Variants in NCKAP5 observed in about 807,000 individuals in gnomAD.
The protein encoded by NCKAP5 is NCK associated protein 5, also known as nck-associated protein 5.
In NCKAP5, 92 loss-of-function variants were observed where a neutral mutation model predicts 167.0. The observed-to-expected ratio is 0.55, with a 90% CI of 0.47 to 0.66. The LOEUF (loss-of-function observed/expected upper bound fraction) is 0.66, where lower values mean the gene tolerates loss of function less well. Ranked by LOEUF, NCKAP5 falls within the 30% of genes least tolerant of loss-of-function variation. The pLI is 0.00. For missense variants in NCKAP5, 2,378 were observed against 2,315.0 expected (o/e 1.03, Z -0.56); for synonymous variants, 891 against 877.4 (o/e 1.02, Z -0.27).
chr2:132,911,225 G>A lies in NCKAP5; in HGVS notation c.580-32309C>T, dbSNP rs117054236. ...AAATTGCTGGTCATTTCAGACTCACGTCTTACAAACTGATAAAGCACTTGT... is the reference window on the plus strand; with the variant it reads ...AAATTGCTGGTCATTTCAGACTCACATCTTACAAACTGATAAAGCACTTGT... On this transcript the variant is annotated intron_variant, in intron 8 of 19. Transcript: ENST00000409261. The A allele has an allele frequency of 3.5e-5, 6 of 170,732 alleles. No individual in the cohort carries two copies. In the East Asian group the frequency reaches 4.0e-4, roughly 11 times the overall value. The allele number at this position is 170,732 out of a possible 1,614,324, so 10.6% of individuals were successfully genotyped here.
At chr2:132,765,193 A>G (rs1490924984) in intron 16 of NCKAP5, among the ~76,000 whole-genome samples, 2 of 152,236 alleles carry the variant, frequency 1.3e-5, no homozygotes, top group Non-Finnish European at 2.9e-5. Context: ...TTAACTGCAC[A>G]TAGAGCAGTG....
chr2:133,670,609 G>A, the NCKAP5 span, among the ~76,000 whole-genome samples: 1 of 152,318 alleles, frequency 6.6e-6, no homozygotes, highest in African/African-American at 2.4e-5. Flanking sequence ...GTAGGGTGAT[G>A]AACAAGGTCC....
chr2:133,352,016 A>G (rs1327040256), intron 3 of NCKAP5, among the ~76,000 whole-genome samples: 2 of 151,968 alleles, frequency 1.3e-5, no homozygotes, highest in African/African-American at 4.8e-5. Context: ...TCCATTTTCT[A>G]TGAAAAAAAA....
chr2:133,112,497 C>G (rs1419147036), intron 6 of NCKAP5, among the ~76,000 whole-genome samples: 1 of 151,852 alleles, frequency 6.6e-6, no homozygotes, highest in Non-Finnish European at 1.5e-5. Context: ...GTATGCTGTT[C>G]ACTGGTTAAC....
At chr2:133,492,201 C>T (rs972619311) in intron 3 of NCKAP5, among the ~76,000 whole-genome samples, 10 of 136,128 alleles carry the variant, frequency 7.3e-5, no homozygotes, top group South Asian at 2.4e-4. Flanking sequence ...AAGAAGCTCC[C>T]GGTGAAAATA....
chr2:132,837,747 T>G (rs960792405), intron 11 of NCKAP5, among the ~76,000 whole-genome samples: 6 of 152,196 alleles, frequency 3.9e-5, no homozygotes, highest in African/African-American at 1.4e-4. Context: ...AAACTGATGA[T>G]TAGAAGGCCT....
chr2:133,467,314 A>G (rs549562179), intron 3 of NCKAP5, among the ~76,000 whole-genome samples: 10 of 151,968 alleles, frequency 6.6e-5, no homozygotes, highest in African/African-American at 1.9e-4. Context: ...GATTACATTT[A>G]TTGATTTGCA....
At chr2:133,071,919 T>C (rs1423817726) in intron 6 of NCKAP5, among the ~76,000 whole-genome samples, 1 of 152,130 alleles carries the variant, frequency 6.6e-6, no homozygotes, top group Non-Finnish European at 1.5e-5. Context: ...AGCTCTGCCA[T>C]AGTGTATTGA....
chr2:133,658,114 C>A, the NCKAP5 span, among the ~76,000 whole-genome samples: 1 of 151,274 alleles, frequency 6.6e-6, no homozygotes, highest in African/African-American at 2.4e-5. Context: ...ACCCCCACCC[C>A]CTAGTTTCAT....
Position 132,782,256 on chromosome 2 carries a change from C to T in NCKAP5, c.4555G>A (p.Ala1519Thr), listed in dbSNP as rs746272708. Reference protein sequence around the residue: ...WFGFRKSRLPALSSRKMDISK... With the variant: ...WFGFRKSRLPTLSSRKMDISK... Reference sequence around the variant, plus strand: ...ATGTCCATTTTCCTGCTACTCAGAGCTGGAAGTCTACTCTTCCGAAAACCA... The same window carrying T: ...ATGTCCATTTTCCTGCTACTCAGAGTTGGAAGTCTACTCTTCCGAAAACCA... The change falls in exon 14 of 20, where the codon GCT becomes ACT. Residue 1519 changes from alanine to threonine, a missense_variant. By Grantham distance (58) the Ala-to-Thr change is moderately conservative (BLOSUM62 0). Coordinates refer to ENST00000409261, the MANE Select transcript of NCKAP5 (RefSeq NM_207363.3). 2 of 1,614,034 alleles carry T rather than the reference C, an allele frequency of 1.2e-6. No homozygotes were observed. The highest frequency in any genetic ancestry group is 1.7e-6 in the Non-Finnish European group (2 of 1,179,904).
At chr2:133,634,836 G>A in the NCKAP5 span, among the ~76,000 whole-genome samples, 2 of 151,468 alleles carry the variant, frequency 1.3e-5, no homozygotes, top group Non-Finnish European at 2.9e-5. Flanking sequence ...ATTTGAATTT[G>A]CTGGATGTCT....
intron 19 of NCKAP5, among the ~76,000 whole-genome samples, chr2:132,687,712 AACACACACACAC>A (rs3069016): frequency 0.011 from 1,483 of 131,650 alleles, 24 homozygotes; most frequent in African/African-American, 0.037. Flanking sequence ...CACCTACCTA[AACACACACACAC>A]ACACACACAC....
intron 11 of NCKAP5, among the ~76,000 whole-genome samples, chr2:132,848,243 C>A (rs770912296): frequency 6.6e-6 from 1 of 152,100 alleles, no homozygotes; most frequent in African/African-American, 2.4e-5. Flanking sequence ...ATTAAGTCAG[C>A]GAGTTATTTT....
At chr2:132,694,178 C>T (rs1573898656) in intron 19 of NCKAP5, among the ~76,000 whole-genome samples, 1 of 150,948 alleles carries the variant, frequency 6.6e-6, no homozygotes, top group Non-Finnish European at 1.5e-5. Context: ...AAATGGGATG[C>T]TTGAAGATAG....
At chr2:133,237,261 T>C (rs2087467277) in intron 4 of NCKAP5, among the ~76,000 whole-genome samples, 1 of 152,188 alleles carries the variant, frequency 6.6e-6, no homozygotes, top group African/African-American at 2.4e-5. Context: ...TGTGTACAAG[T>C]ATAACAAAGT....
intron 5 of NCKAP5, among the ~76,000 whole-genome samples, chr2:133,143,518 T>C (rs2083076931): frequency 6.6e-6 from 1 of 152,174 alleles, no homozygotes; most frequent in Admixed American, 6.6e-5. Context: ...TTGTGGCCAC[T>C]GGCATTAAAT....
chr2:132,691,999 T>G (rs1218074833), intron 19 of NCKAP5, among the ~76,000 whole-genome samples: 1 of 152,156 alleles, frequency 6.6e-6, no homozygotes, highest in African/African-American at 2.4e-5. Context: ...CTTTCCTTTC[T>G]TTACCTCTTA....
intron 5 of NCKAP5, among the ~76,000 whole-genome samples, chr2:133,183,804 T>C (rs1305955077): frequency 3.9e-5 from 6 of 152,078 alleles, no homozygotes; most frequent in Non-Finnish European, 8.8e-5. Context: ...TCAGAAGACA[T>C]TGTCTATATA....
chr2:133,174,037 T>G lies in NCKAP5; in HGVS notation c.207+39679A>C, dbSNP rs571518579. Among the ~76,000 whole-genome samples, 21 of 152,250 alleles carry G rather than the reference T, an allele frequency of 1.4e-4. No individual in the cohort carries two copies. The South Asian group carries it at 4.1e-3, about 30-fold the overall frequency. On this transcript the variant is annotated intron_variant, in intron 5 of 19. Transcript: ENST00000409261. Reference sequence around the variant, plus strand: ...TACAATACCATTAACTGAATTAAAGTGTTTATTTGAATTTCATCAATTTTT... The same window carrying G: ...TACAATACCATTAACTGAATTAAAGGGTTTATTTGAATTTCATCAATTTTT...
Sources: allele counts gnomAD v4.1 joint callset (sites outside exome capture counted in the v4.1 genomes callset), GRCh38; gene constraint gnomAD v4.1.1; transcripts MANE v1.5; gene names NCBI Gene and HGNC (gene_info 2026-07-23, HGNC 2026-07-21).